Variants in TENT5D observed in about 807,000 individuals in gnomAD.
TENT5D encodes the protein cancer/testis antigen 112.
For missense variants in TENT5D, 191 were observed against 287.0 expected (o/e 0.67, Z 2.42); for synonymous variants, 103 against 100.6 (o/e 1.02, Z -0.15).
At chrX:80,443,885 A>T (rs1932337817) in exon 3 of TENT5D, 7 of 425,979 alleles carry the variant, frequency 1.6e-5, no homozygotes, top group Non-Finnish European at 2.8e-5. Flanking sequence ...CATCATAGTA[A>T]ATACAATATC....
At chrX:80,396,815 G>A (rs1271667580) in intron 3 of TENT5D, among the ~76,000 whole-genome samples, 79 of 99,947 alleles carry the variant, frequency 7.9e-4, no homozygotes, top group Non-Finnish European at 1.2e-3. Flanking sequence ...GGTGGTGGCC[G>A]GGCAGAGGGG....
intron 3 of TENT5D, among the ~76,000 whole-genome samples, chrX:80,409,765 C>G (rs1931600004): frequency 9.5e-6 from 1 of 105,800 alleles, no homozygotes; most frequent in African/African-American, 3.5e-5. Flanking sequence ...TCATATGGAA[C>G]CAAAAAAGAG....
At chrX:80,351,341 C>A (rs1930174360) in intron 3 of TENT5D, among the ~76,000 whole-genome samples, 1 of 107,983 alleles carries the variant, frequency 9.3e-6, no homozygotes. Context: ...TTTGTTCATT[C>A]CGTTTCAATG....
chrX:80,401,218 G>A (rs1481105697), intron 3 of TENT5D, among the ~76,000 whole-genome samples: 1 of 111,582 alleles, frequency 9.0e-6, no homozygotes, highest in Non-Finnish European at 1.9e-5. Context: ...TGGAAAATGT[G>A]TTGTTAATGT....
chrX:80,359,395 C>T (rs967982153), intron 3 of TENT5D, among the ~76,000 whole-genome samples: 9 of 111,822 alleles, frequency 8.0e-5, no homozygotes, highest in Admixed American at 5.7e-4. Flanking sequence ...GACTTGGAAC[C>T]GACCCAAATG....
chrX:80,396,895 G>A (rs1569365892), intron 3 of TENT5D, among the ~76,000 whole-genome samples: 7 of 89,435 alleles, frequency 7.8e-5, no homozygotes, highest in Non-Finnish European at 1.1e-4. Flanking sequence ...GGCTGGCCGG[G>A]CGGGGGGCTG....
At chrX:80,379,523 A>G (rs970600284) in intron 3 of TENT5D, among the ~76,000 whole-genome samples, 13 of 111,096 alleles carry the variant, frequency 1.2e-4, no homozygotes, top group Non-Finnish European at 1.9e-4. Context: ...GAATAGTTTC[A>G]GAAGGAATGG....
intron 3 of TENT5D, among the ~76,000 whole-genome samples, chrX:80,378,135 A>T (rs1930772641): frequency 8.9e-6 from 1 of 112,157 alleles, no homozygotes; most frequent in Non-Finnish European, 1.9e-5. Context: ...TATGGATGTT[A>T]GCCTTTTGTC....
chrX:80,340,433 A>G (rs1224861478), intron 2 of TENT5D, among the ~76,000 whole-genome samples: 1 of 111,180 alleles, frequency 9.0e-6, no homozygotes, highest in Non-Finnish European at 1.9e-5. Flanking sequence ...ACTACTCTTC[A>G]TTCTAGATTG....
At chrX:80,371,856 C>T (rs1247968057) in intron 3 of TENT5D, among the ~76,000 whole-genome samples, 2 of 111,833 alleles carry the variant, frequency 1.8e-5, no homozygotes, top group African/African-American at 6.5e-5. Context: ...CTTATCATTG[C>T]ATTCACATTT....
intron 1 of TENT5D, among the ~76,000 whole-genome samples, chrX:80,429,186 G>A (rs986989113): frequency 9.0e-6 from 1 of 111,631 alleles, no homozygotes; most frequent in African/African-American, 3.3e-5. Context: ...ACCACAAGCT[G>A]GACAGGGTTG....
chrX:80,387,584 C>T (rs1434502081), intron 3 of TENT5D, among the ~76,000 whole-genome samples: 1 of 111,840 alleles, frequency 8.9e-6, no homozygotes, highest in Non-Finnish European at 1.9e-5. Context: ...TCTTCCTTTA[C>T]TTTCCCCGAA....
Position 80,354,784 on chromosome X carries a change from T to G in TENT5D, c.-142+12220T>G, listed in dbSNP as rs539649395. ...TAGAGTGGACAGAGTTCTTGCGCTG[T>G]TTTTTGTTTTTGTTTTAGTTTGTTG... is the stretch of plus-strand genomic sequence containing the variant. On this transcript the variant is annotated intron_variant, in intron 3 of 4. Coordinates refer to the TENT5D transcript ENST00000538312. Among the ~76,000 whole-genome samples, 34 of 107,474 alleles carry G rather than the reference T, an allele frequency of 3.2e-4. No individual in the cohort carries two copies. The East Asian group carries it at 4.3e-3, about 14-fold the overall frequency. 93.3% of individuals were successfully genotyped at this position (107,474 alleles called of 115,157 possible).
chrX:80,440,753 G>A (rs1378812443), intron 2 of TENT5D, among the ~76,000 whole-genome samples: 1 of 110,833 alleles, frequency 9.0e-6, no homozygotes, highest in Non-Finnish European at 1.9e-5. Flanking sequence ...AACTTTTGCT[G>A]TATCATAAAT....
At chrX:80,385,636 A>G (rs1368363078) in intron 3 of TENT5D, among the ~76,000 whole-genome samples, 1 of 111,866 alleles carries the variant, frequency 8.9e-6, no homozygotes, top group Non-Finnish European at 1.9e-5. Flanking sequence ...TGAACAGGCA[A>G]CCTACAGAAT....
chrX:80,411,130 A>T (rs754954202), intron 3 of TENT5D, among the ~76,000 whole-genome samples: 1,131 of 102,011 alleles, frequency 0.011, 25 homozygotes, highest in African/African-American at 0.038. Flanking sequence ...GCATTGGGAG[A>T]TATACCTAAT....
intron 3 of TENT5D, among the ~76,000 whole-genome samples, chrX:80,407,165 A>G (rs1931517636): frequency 1.8e-5 from 2 of 109,472 alleles, no homozygotes; most frequent in African/African-American, 6.7e-5. Context: ...TGTAAAGACC[A>G]TCGAGACTAG....
chrX:80,409,389 A>G (rs931693128), intron 3 of TENT5D, among the ~76,000 whole-genome samples: 5 of 111,379 alleles, frequency 4.5e-5, no homozygotes, highest in African/African-American at 1.3e-4. Flanking sequence ...CTGATAAGCA[A>G]CTTCAGCAAA....
At chrX:80,406,358 T>A in intron 3 of TENT5D, among the ~76,000 whole-genome samples, 2 of 106,032 alleles carry the variant, frequency 1.9e-5, no homozygotes, top group Middle Eastern at 9.7e-3. Flanking sequence ...TTGAAAAAAA[T>A]TTAGAAGAAT....
Sources: allele counts gnomAD v4.1 joint callset (sites outside exome capture counted in the v4.1 genomes callset), GRCh38; gene constraint gnomAD v4.1.1; transcripts MANE v1.5; gene names NCBI Gene and HGNC (gene_info 2026-07-23, HGNC 2026-07-21).